The following VAC14 variants were observed in gnomAD, a reference collection of about 807,000 sequenced individuals.
VAC14 encodes protein VAC14 homolog.
A neutral mutation model predicts 85.3 loss-of-function variants in VAC14; 47 were observed. The observed-to-expected ratio is 0.55, with a 90% CI of 0.44 to 0.70. The LOEUF (loss-of-function observed/expected upper bound fraction) is 0.70, where lower values mean the gene tolerates loss of function less well. Among genes scored for constraint, VAC14 ranks in the 30% least tolerant of loss-of-function variants. The pLI is 0.00. For missense variants in VAC14, 861 were observed against 1,004.3 expected (o/e 0.86, Z 1.93); for synonymous variants, 447 against 430.5 (o/e 1.04, Z -0.47).
At position 70,761,016 on chromosome 16, in the gene VAC14, TGTGCATGGGGGG is replaced by T. The variant is rs1484248645; in HGVS notation, c.1371+1512_1371+1523del. ...GTGTGTGTGTGTGTGTGTGTGTGTG[TGTGCATGGGGGG>T]GCGGGGGGTAGGCAGGAGAGGCCAA... On this transcript the variant is annotated intron_variant, in intron 12 of 18. Transcript: ENST00000261776. 434 of 300,920 alleles carry T rather than the reference TGTGCATGGGGGG, an allele frequency of 1.4e-3. 15 individuals carry two copies. Among genetic ancestry groups the T allele is most frequent in the Middle Eastern group, 3.4e-3 (3 of 892 alleles). The allele number at this position is 300,920 out of a possible 1,614,324, so 18.6% of individuals were successfully genotyped here.
At chr16:70,793,435 A>T (rs1488391315) in intron 1 of VAC14, among the ~76,000 whole-genome samples, 4 of 152,242 alleles carry the variant, frequency 2.6e-5, no homozygotes, top group African/African-American at 9.6e-5. Flanking sequence ...AAATATACAC[A>T]AAGTCATGCA....
rs189306470 is a variant in VAC14 at position 70,712,787 on chromosome 16, G to T, written c.1662-13976C>A. On this transcript the variant is annotated intron_variant, in intron 14 of 18. Transcript: ENST00000261776. ...ATTCTGCATTATTTCAGTTTTTATT[G>T]TATGTGGTTTAATATTTCTAAACAG... Among the ~76,000 whole-genome samples, 880 of 152,304 alleles carry T rather than the reference G, an allele frequency of 5.8e-3. 4 individuals carry two copies. Among genetic ancestry groups the T allele is most frequent in the Non-Finnish European group, 9.9e-3 (673 of 68,026 alleles).
chr16:70,699,264 T>TA (rs1216183387), intron 14 of VAC14: 1 of 190,998 alleles, frequency 5.2e-6, no homozygotes, highest in Non-Finnish European at 1.1e-5. Flanking sequence ...GTCACCTGTT[T>TA]ACTGCCCCAC....
Position 70,780,932 on chromosome 16 carries a change from T to A in VAC14, c.954A>T (p.Lys318Asn). ...TCTGGTTGCACACGTTGGCCACTTCTTTGATGCCTGAGTCCACTGATGTAA... is the reference window on the plus strand; with the variant it reads ...TCTGGTTGCACACGTTGGCCACTTCATTGATGCCTGAGTCCACTGATGTAA... ...LAYDDRKKSI[K>N]EVANVCNQSL... The change falls in exon 9 of 19, where the codon AAA becomes AAT. Residue 318 changes from lysine to asparagine, a missense_variant. Transcript: ENST00000261776. 1 of 1,614,162 alleles carries A rather than the reference T, an allele frequency of 6.2e-7. No individual in the cohort carries two copies. The highest frequency in any genetic ancestry group is 8.5e-7 in the Non-Finnish European group (1 of 1,180,028).
At chr16:70,763,108 G>A in intron 10 of VAC14, 83 bp from the exon 11 acceptor site, 1 of 1,583,214 alleles carries the variant, frequency 6.3e-7, no homozygotes, top group Non-Finnish European at 8.6e-7. Flanking sequence ...CCCTGGGCCT[G>A]CACATCCTGA....
chr16:70,779,072 C>T (rs907883982), intron 9 of VAC14: 25 of 152,220 alleles, frequency 1.6e-4, no homozygotes, highest in Admixed American at 1.5e-3. Context: ...GGGCCTCCCG[C>T]GTGGCAGGCG....
At chr16:70,754,708 T>G (rs573681506) in intron 12 of VAC14, among the ~76,000 whole-genome samples, 1 of 152,256 alleles carries the variant, frequency 6.6e-6, no homozygotes, top group East Asian at 1.9e-4. Flanking sequence ...TCAAGTTCTT[T>G]GGGCACCGAC....
chr16:70,689,970 C>G (rs2053567563), intron 18 of VAC14: 1 of 985,536 alleles, frequency 1.0e-6, no homozygotes, highest in Non-Finnish European at 1.2e-6. Context: ...AGGTGTGACC[C>G]TAAAGTGTGT....
chr16:70,689,056 A>G (rs1597840944), intron 18 of VAC14: 1 of 985,122 alleles, frequency 1.0e-6, no homozygotes, highest in African/African-American at 1.7e-5. Context: ...AAAAGATGCC[A>G]ATCGGCGGGG....
rs536075750 is a variant in VAC14, at chr16:70,771,869, C to T, written c.1160+240G>A. The T allele has an allele frequency of 6.2e-4, 310 of 499,026 alleles. 4 individuals are homozygous for T. The South Asian group carries it at 8.2e-3, about 13-fold the overall frequency. 30.9% of individuals were successfully genotyped at this position (499,026 alleles called of 1,614,324 possible). A position where few individuals can be genotyped will look rare whatever the true frequency, so the allele number is the denominator to read the frequency against. The stretch of plus-strand genomic sequence containing the variant: ...GTGCTGGGATTAGAGGCATAAGCCA[C>T]CATGTCTGGCCCCCAGTGGCTTCTA... On this transcript the variant is annotated intron_variant, in intron 10 of 18. Transcript: ENST00000261776.
chr16:70,768,620 C>T lies in VAC14; in HGVS notation c.1160+3489G>A, dbSNP rs35662166. 8.8e-5 allele frequency: 28 copies of T among 318,516 alleles called. No homozygotes were observed. The East Asian group carries it at 1.3e-3, about 15-fold the overall frequency. The allele number at this position is 318,516 out of a possible 1,614,324, so 19.7% of individuals were successfully genotyped here. On this transcript the variant is annotated intron_variant, in intron 10 of 18. Coordinates refer to ENST00000261776, the MANE Select transcript of VAC14 (RefSeq NM_018052.5). ...GGGCCACCAGGGGCTTCCCGAGTAT[C>T]GCAGGAAGAGGGGAGATGAGGGAGG... is the stretch of plus-strand genomic sequence containing the variant.
chr16:70,748,884 C>G (rs921630791), intron 12 of VAC14, among the ~76,000 whole-genome samples: 2 of 152,188 alleles, frequency 1.3e-5, no homozygotes, highest in African/African-American at 4.8e-5. Flanking sequence ...CTGTAGTGAG[C>G]TGAGATCGCA....
At chr16:70,712,301 G>C (rs772739607) in intron 14 of VAC14, among the ~76,000 whole-genome samples, 1 of 152,168 alleles carries the variant, frequency 6.6e-6, no homozygotes, top group African/African-American at 2.4e-5. Flanking sequence ...CAGGCGAGGC[G>C]CCCTATAGCA....
At chr16:70,773,557 G>A (rs2033355089) in intron 9 of VAC14, among the ~76,000 whole-genome samples, 2 of 152,186 alleles carry the variant, frequency 1.3e-5, no homozygotes, top group Non-Finnish European at 2.9e-5. Flanking sequence ...CTGCACTGAG[G>A]AGGGAAGAGG....
chr16:70,741,545 G>A (rs549151294), intron 13 of VAC14, among the ~76,000 whole-genome samples: 2 of 152,356 alleles, frequency 1.3e-5, no homozygotes, highest in African/African-American at 2.4e-5. Flanking sequence ...GAGCCTTGAG[G>A]CCCACACGTG....
rs532737283 is a variant in VAC14, at chr16:70,696,063, A to C, written c.1956-440T>G. Reference sequence around the variant, plus strand: ...GGAAGCAGGCACACTGTGGGGAGCCAGGCAGGGCCACACCTAGCCCTCCAC... The same window carrying C: ...GGAAGCAGGCACACTGTGGGGAGCCCGGCAGGGCCACACCTAGCCCTCCAC... On this transcript the variant is annotated intron_variant, in intron 16 of 18. Transcript: ENST00000261776. Among the ~76,000 whole-genome samples, 5 of 152,320 alleles carry C rather than the reference A, an allele frequency of 3.3e-5. No homozygotes were observed. In the East Asian group the frequency reaches 9.7e-4, roughly 29 times the overall value.
intron 14 of VAC14, among the ~76,000 whole-genome samples, chr16:70,728,665 A>T (rs1333657068): frequency 6.6e-6 from 1 of 152,152 alleles, no homozygotes; most frequent in African/African-American, 2.4e-5. Context: ...GATGCTGGTT[A>T]CTACCCCAAA....
At chr16:70,784,592 T>C (rs905240928) in intron 4 of VAC14, among the ~76,000 whole-genome samples, 184 bp downstream of exon 4, 1 of 152,198 alleles carries the variant, frequency 6.6e-6, no homozygotes, top group African/African-American at 2.4e-5. Context: ...GGCACAGTTC[T>C]GTATTTGATA....
intron 14 of VAC14, among the ~76,000 whole-genome samples, chr16:70,706,629 G>T (rs1250381881): frequency 6.6e-6 from 1 of 152,128 alleles, no homozygotes; most frequent in East Asian, 1.9e-4. Flanking sequence ...CTCTTGCCTT[G>T]GTGGCTGGGA....
Sources: gnomAD v4.1 joint callset for allele counts (sites outside exome capture counted in the v4.1 genomes callset) on GRCh38, gnomAD v4.1.1 for gene constraint, MANE v1.5 for transcripts, NCBI Gene and HGNC (gene_info 2026-07-23, HGNC 2026-07-21) for gene names.